MGRN1: variants seen among roughly 807,000 people sequenced by gnomAD.
MGRN1 encodes mahogunin ring finger 1, also known as E3 ubiquitin-protein ligase MGRN1.
MGRN1 carries 29 observed loss-of-function variants against 69.2 expected under a neutral mutation model. The observed-to-expected ratio is 0.42, with a 90% CI of 0.31 to 0.57. The LOEUF is 0.57. Among genes scored for constraint, MGRN1 ranks in the 20% least tolerant of loss-of-function variants. The pLI is 0.15. For missense variants in MGRN1, 998 were observed against 796.2 expected, an observed-to-expected ratio of 1.25 and a Z score of -3.05; for synonymous variants, 470 against 344.2, an observed-to-expected ratio of 1.37 and a Z score of -4.04.
chr16:4,687,449 GGTGGGAGGATTGCC>G, intron 16 of MGRN1: 2 of 929,626 alleles, frequency 2.2e-6, no homozygotes, highest in Non-Finnish European at 2.6e-6. Context: ...GGGGTGCTGA[GGTGGGAGGATTGCC>G]GGAGCTGGGG....
At chr16:4,668,885 CATAG>C (rs2078874063) in intron 8 of MGRN1, among the ~76,000 whole-genome samples, 1 of 152,136 alleles carries the variant, frequency 6.6e-6, no homozygotes, top group Non-Finnish European at 1.5e-5. Flanking sequence ...TACACATATA[CATAG>C]ACACACATTC....
In MGRN1 at chr16:4,677,526, C is replaced by G. The variant is rs1474462110; in HGVS notation, c.1019C>G (p.Ser340Cys). ...RKKPGALSPV[S>C]FSPVLAQSLE... ...AAGCCAGGAGCCCTGTCCCCCGTGT[C>G]CTTCAGCCCCGTCCTGGCCCAGAGC... Residue 340 changes from serine (S) to cysteine (C), a missense_variant, in exon 11 of 17, where the codon TCC (serine) becomes TGC (cysteine). By Grantham distance (112) the Ser-to-Cys change is moderately radical. Coordinates refer to ENST00000262370, the MANE Select transcript of MGRN1 (RefSeq NM_015246.4). The G allele has an allele frequency of 6.3e-7, 1 of 1,598,384 alleles. No homozygotes were observed. The highest frequency in any genetic ancestry group is 1.1e-5 in the South Asian group (1 of 90,978).
intron 10 of MGRN1, among the ~76,000 whole-genome samples, chr16:4,675,680 G>A (rs2079038333): frequency 6.6e-6 from 1 of 151,316 alleles, no homozygotes; most frequent in Non-Finnish European, 1.5e-5. Context: ...GCAGTGAGCT[G>A]TGATTGTGCC....
intron 1 of MGRN1, among the ~76,000 whole-genome samples, chr16:4,626,879 G>T (rs543041392): frequency 1.3e-5 from 2 of 152,330 alleles, no homozygotes; most frequent in South Asian, 4.1e-4. Flanking sequence ...CCTGGGTCAT[G>T]TTGCCAGTGC....
chr16:4,662,158 T>C (rs2078696868), intron 5 of MGRN1, among the ~76,000 whole-genome samples: 1 of 152,184 alleles, frequency 6.6e-6, no homozygotes, highest in Admixed American at 6.5e-5. Context: ...TCTGTATTTT[T>C]GGTAGGAAAT....
intron 5 of MGRN1, among the ~76,000 whole-genome samples, chr16:4,658,308 G>A (rs1425065906): frequency 6.6e-6 from 1 of 151,736 alleles, no homozygotes; most frequent in Non-Finnish European, 1.5e-5. Flanking sequence ...GGCCGAGGCA[G>A]GCGGATCACG....
intron 2 of MGRN1, chr16:4,650,722 A>G: frequency 2.5e-6 from 1 of 400,136 alleles, no homozygotes; most frequent in East Asian, 3.8e-5. Context: ...CAGAGCAGCC[A>G]TACTGAATGG....
intron 16 of MGRN1, chr16:4,688,256 CAG>C: frequency 1.0e-6 from 1 of 985,728 alleles, no homozygotes. Flanking sequence ...CATCTGGGGA[CAG>C]CGCCCGGCGG....
intron 16 of MGRN1, among the ~76,000 whole-genome samples, chr16:4,685,756 CTG>C (rs2079297980): frequency 6.6e-6 from 1 of 152,250 alleles, no homozygotes; most frequent in South Asian, 2.1e-4. Context: ...CTATCCGTGT[CTG>C]TGCGTAAGGC....
chr16:4,683,071 A>C (rs2079225382), intron 14 of MGRN1, 125 bp downstream of exon 14: 1 of 1,482,606 alleles, frequency 6.7e-7, no homozygotes, highest in African/African-American at 1.4e-5. Context: ...GCTCTTGCTG[A>C]GCTGCGCGGC....
chr16:4,666,285 C>T (rs1227814925), intron 7 of MGRN1, among the ~76,000 whole-genome samples: 4 of 152,120 alleles, frequency 2.6e-5, no homozygotes, highest in African/African-American at 4.8e-5. Flanking sequence ...TGCACCACCA[C>T]GTCTGTCTAA....
chr16:4,672,195 C>T (rs536348785), intron 9 of MGRN1, among the ~76,000 whole-genome samples: 5 of 152,146 alleles, frequency 3.3e-5, no homozygotes, highest in East Asian at 1.9e-4. Context: ...TGAACCACCG[C>T]GCCCAGCCTA....
intron 1 of MGRN1, among the ~76,000 whole-genome samples, chr16:4,631,288 C>T (rs144016195): frequency 6.6e-6 from 1 of 152,202 alleles, no homozygotes; most frequent in East Asian, 1.9e-4. Context: ...GGCATTGTGG[C>T]TGGATAACAA....
chr16:4,661,819 C>G (rs577115719), intron 5 of MGRN1, among the ~76,000 whole-genome samples: 19 of 152,374 alleles, frequency 1.2e-4, no homozygotes, highest in African/African-American at 4.3e-4. Context: ...GACTTGGTCT[C>G]CAGGCTTGTG....
At chr16:4,641,862 C>T (rs1194024871) in intron 1 of MGRN1, among the ~76,000 whole-genome samples, 2 of 152,184 alleles carry the variant, frequency 1.3e-5, no homozygotes, top group Non-Finnish European at 2.9e-5. Flanking sequence ...CCATGTCGCC[C>T]AGGCTGGTCT....
chr16:4,677,444 A>C lies in MGRN1; in HGVS notation c.956-19A>C, dbSNP rs759514311. ...GGGTGTGTCGCCTGGGCCTGATCTG[A>C]GCCCTCCTTCTGCCGCAGCTTTCCG... is the stretch of plus-strand genomic sequence containing the variant. On this transcript the variant is annotated intron_variant, in intron 10 of 16. Coordinates refer to ENST00000262370, the MANE Select transcript of MGRN1 (RefSeq NM_015246.4). 3.9e-5 allele frequency: 60 copies of C among 1,534,750 alleles called. No individual in the cohort carries two copies. Among genetic ancestry groups the C allele is most frequent in the Non-Finnish European group, 4.9e-5 (56 of 1,143,658 alleles).
At chr16:4,640,941 G>A (rs1282805412) in intron 1 of MGRN1, among the ~76,000 whole-genome samples, 1 of 152,202 alleles carries the variant, frequency 6.6e-6, no homozygotes, top group East Asian at 1.9e-4. Flanking sequence ...TGAAAGTGTG[G>A]GCCTTGTCTG....
At chr16:4,685,735 CCCTTGA>C (rs1428136764) in intron 16 of MGRN1, among the ~76,000 whole-genome samples, 5 of 152,234 alleles carry the variant, frequency 3.3e-5, no homozygotes, top group Non-Finnish European at 4.4e-5. Context: ...CATCACAGAG[CCCTTGA>C]CTGTCTATCC....
intron 10 of MGRN1, among the ~76,000 whole-genome samples, chr16:4,675,147 A>G (rs2079028746): frequency 6.6e-6 from 1 of 151,366 alleles, no homozygotes; most frequent in African/African-American, 2.4e-5. Flanking sequence ...TATTTTGTGT[A>G]TTTTTAGTAG....
Sources: gnomAD v4.1 joint callset for allele counts (sites outside exome capture counted in the v4.1 genomes callset) on GRCh38, gnomAD v4.1.1 for gene constraint, MANE v1.5 for transcripts, NCBI Gene and HGNC (gene_info 2026-07-23, HGNC 2026-07-21) for gene names.